The following PELO variants were observed in gnomAD, a reference collection of about 807,000 sequenced individuals.
PELO encodes protein pelota homolog.
In PELO, 19 loss-of-function variants were observed where a neutral mutation model predicts 25.9. The ratio of observed to expected loss-of-function variants is 0.73; its 90% CI spans 0.51 to 1.08. PELO has a LOEUF of 1.08. Ranked by LOEUF, PELO falls within the 50% of genes least tolerant of loss-of-function variation. PELO has a pLI of 0.00. For synonymous variants in PELO, 196 were observed against 192.2 expected, an observed-to-expected ratio of 1.02 and a Z score of -0.16; for missense variants, 498 against 491.4, an observed-to-expected ratio of 1.01 and a Z score of -0.13.
In PELO at chr5:52,794,072, G is replaced by A. The variant is rs536316258; in HGVS notation, c.-511+5658G>A. On this transcript the variant is annotated intron_variant, in intron 1 of 2. Transcript: ENST00000274311. Reference sequence around the variant, plus strand: ...GGTTGGTGTTAGGAATTCACTTTATGTGTTAAAAAAAATCAATTTTATCCA... The same window carrying A: ...GGTTGGTGTTAGGAATTCACTTTATATGTTAAAAAAAATCAATTTTATCCA... Among the ~76,000 whole-genome samples, 82 of 151,956 alleles carry A rather than the reference G, an allele frequency of 5.4e-4. 1 individual carries two copies. The highest frequency in any genetic ancestry group is 1.8e-3 in the African/African-American group (73 of 41,462).
chr5:52,800,487 C>T lies in PELO; in HGVS notation c.93C>T (p.Asn31=), dbSNP rs1268231627. Reference sequence around the variant, plus strand: ...CTGAGGACATGTGGCACACTTACAACCTCGTGCAGGTGGGCGACAGCCTGC... The same window carrying T: ...CTGAGGACATGTGGCACACTTACAATCTCGTGCAGGTGGGCGACAGCCTGC... The part of the protein sequence containing the change: ...EEPEDMWHTY[N]LVQVGDSLRA... The change falls in exon 2 of 3, where the codon AAC becomes AAT. Residue 31 remains asparagine, a synonymous_variant. Coordinates refer to ENST00000274311, the MANE Select transcript of PELO (RefSeq NM_015946.5). 1.9e-6 allele frequency: 3 copies of T among 1,614,018 alleles called. No individual in the cohort carries two copies. The highest frequency in any genetic ancestry group is 2.5e-6 in the Non-Finnish European group (3 of 1,180,038).
At chr5:52,797,171 A>C (rs192331613) in intron 1 of PELO, among the ~76,000 whole-genome samples, 1 of 152,226 alleles carries the variant, frequency 6.6e-6, no homozygotes, top group Admixed American at 6.5e-5. Flanking sequence ...TACAGGCTTA[A>C]ATTACTAAGG....
At chr5:52,793,034 T>C (rs1371094143) in intron 1 of PELO, among the ~76,000 whole-genome samples, 1 of 152,088 alleles carries the variant, frequency 6.6e-6, no homozygotes, top group Admixed American at 6.5e-5. Flanking sequence ...GCATAAGTAG[T>C]TACTCCCACT....
At chr5:52,794,494 T>C (rs1748301258) in intron 1 of PELO, among the ~76,000 whole-genome samples, 1 of 117,452 alleles carries the variant, frequency 8.5e-6, no homozygotes, top group East Asian at 2.2e-4. Flanking sequence ...TACATGCAAA[T>C]AGAAATACAC....
intron 1 of PELO, among the ~76,000 whole-genome samples, chr5:52,796,560 G>A (rs1057132334): frequency 6.6e-6 from 1 of 152,072 alleles, no homozygotes; most frequent in South Asian, 2.1e-4. Context: ...AGCAGTTTCT[G>A]AACTACCATT....
At chr5:52,795,017 T>C (rs535026743) in intron 1 of PELO, among the ~76,000 whole-genome samples, 4 of 152,146 alleles carry the variant, frequency 2.6e-5, no homozygotes, top group African/African-American at 9.6e-5. Context: ...AATAGGCTTA[T>C]ACAAACTTAC....
At chr5:52,801,265 T>A in intron 2 of PELO, 144 bp from the exon 3 acceptor site, 2 of 1,136,878 alleles carry the variant, frequency 1.8e-6, no homozygotes, top group Non-Finnish European at 2.5e-6. Context: ...AAAAAGAGAA[T>A]GTTAAATGTC....
At chr5:52,792,372 T>C (rs1024975483) in intron 1 of PELO, among the ~76,000 whole-genome samples, 13 of 152,214 alleles carry the variant, frequency 8.5e-5, no homozygotes, top group Non-Finnish European at 5.9e-5. Flanking sequence ...GAAAATTGTC[T>C]TACTCATTGT....
At chr5:52,798,031 CTCTCTT>C (rs2111655096) in intron 1 of PELO, among the ~76,000 whole-genome samples, 1 of 152,364 alleles carries the variant, frequency 6.6e-6, no homozygotes, top group South Asian at 2.1e-4. Context: ...CTCATTCTCT[CTCTCTT>C]TCTCTCTCAC....
At chr5:52,797,243 T>G (rs1748361938) in intron 1 of PELO, among the ~76,000 whole-genome samples, 1 of 152,038 alleles carries the variant, frequency 6.6e-6, no homozygotes, top group African/African-American at 2.4e-5. Flanking sequence ...TATGAAAGAT[T>G]TTATAGTATA....
At position 52,794,500 on chromosome 5, in the gene PELO, TACACACACACACACACAC is replaced by T. The variant is rs56996823; in HGVS notation, c.-510-5366_-510-5349del. Among the ~76,000 whole-genome samples, 9 of 141,914 alleles carry T rather than the reference TACACACACACACACACAC, an allele frequency of 6.3e-5. No homozygotes were observed. In the South Asian group the frequency reaches 1.6e-3, roughly 25 times the overall value. 93.1% of individuals were successfully genotyped at this position (141,914 alleles called of 152,430 possible). ...GTATAAGAATACATGCAAATAGAAA[TACACACACACACACACAC>T]ACACACACACACACACACTTCTGTT... is the stretch of plus-strand genomic sequence containing the variant. On this transcript the variant is annotated intron_variant, in intron 1 of 2. Transcript: ENST00000274311.
chr5:52,793,121 T>C (rs1748273680), intron 1 of PELO, among the ~76,000 whole-genome samples: 1 of 152,120 alleles, frequency 6.6e-6, no homozygotes, highest in African/African-American at 2.4e-5. Context: ...CCTTAGGACA[T>C]GTGTATCCCA....
chr5:52,793,961 C>A (rs1257964614), intron 1 of PELO, among the ~76,000 whole-genome samples: 1 of 151,926 alleles, frequency 6.6e-6, no homozygotes, highest in African/African-American at 2.4e-5. Context: ...AGGAAGAAGA[C>A]TAATTTTAAT....
intron 1 of PELO, among the ~76,000 whole-genome samples, chr5:52,791,284 A>C (rs187724644): frequency 2.0e-5 from 3 of 152,314 alleles, no homozygotes; most frequent in Admixed American, 1.3e-4. Flanking sequence ...TAGCGCAAGC[A>C]ACAGTAGGGA....
chr5:52,800,486 A>G lies in PELO; in HGVS notation c.92A>G (p.Asn31Ser). The G allele has an allele frequency of 1.9e-6, 3 of 1,613,886 alleles. No individual in the cohort carries two copies. The highest frequency in any genetic ancestry group is 2.2e-5 in the East Asian group (1 of 44,860). The part of the protein sequence containing the change: ...EEPEDMWHTY[N>S]LVQVGDSLRA... ...CCTGAGGACATGTGGCACACTTACA[A>G]CCTCGTGCAGGTGGGCGACAGCCTG... is the stretch of plus-strand genomic sequence containing the variant. Residue 31 changes from asparagine to serine, a missense_variant, in exon 2 of 3, where the codon AAC (asparagine) becomes AGC (serine). Coordinates refer to ENST00000274311, the MANE Select transcript of PELO (RefSeq NM_015946.5).
intron 1 of PELO, among the ~76,000 whole-genome samples, chr5:52,791,509 A>AT (rs1413872539): frequency 6.6e-6 from 1 of 152,222 alleles, no homozygotes; most frequent in Non-Finnish European, 1.5e-5. Context: ...CCACCCTCTG[A>AT]TGTCTTGCTC....
chr5:52,789,110 T>C (rs578239889), intron 1 of PELO, among the ~76,000 whole-genome samples: 2 of 152,308 alleles, frequency 1.3e-5, no homozygotes, highest in Non-Finnish European at 2.9e-5. Context: ...AAAAACATAG[T>C]GGAAATGCAA....
At chr5:52,788,448 C>A in intron 1 of PELO, 34 bp downstream of exon 1, 4 of 1,463,980 alleles carry the variant, frequency 2.7e-6, no homozygotes, top group South Asian at 1.3e-5. Context: ...GCATCTCCTG[C>A]TCGCGGGCTT....
Position 52,801,107 on chromosome 5 carries a change from C to G in PELO, c.713C>G (p.Ser238Cys). 6.2e-7 allele frequency: 1 copy of G among 1,601,844 alleles called. No individual in the cohort carries two copies. ...TDNKLLLENR[S>C]KFLQVHASSG... is the part of the protein sequence containing the mutation. ...AACAAACTGCTCCTGGAAAACCGGT[C>G]CAAATTTCTTCAGGTAAAACAATCT... Residue 238 changes from serine to cysteine, a missense_variant, in exon 2 of 3, where the codon TCC (serine) becomes TGC (cysteine). Ser to Cys is a moderately radical substitution (Grantham distance 112, BLOSUM62 -1). Transcript: ENST00000274311.
Sources: allele counts gnomAD v4.1 joint callset (sites outside exome capture counted in the v4.1 genomes callset), GRCh38; gene constraint gnomAD v4.1.1; transcripts MANE v1.5; gene names NCBI Gene and HGNC (gene_info 2026-07-23, HGNC 2026-07-21).